SMG5: variants seen among roughly 807,000 people sequenced by gnomAD.
SMG5 encodes the protein SMG5 nonsense mediated mRNA decay factor.
Under a neutral mutation model 122.9 loss-of-function variants are expected in SMG5, and 53 were observed. That is an observed-to-expected ratio of 0.43 (90% CI 0.35 to 0.54). The LOEUF (loss-of-function observed/expected upper bound fraction) is 0.54. Among genes scored for constraint, SMG5 ranks in the 20% least tolerant of loss-of-function variants. SMG5 has a pLI of 0.01. For missense variants in SMG5, 1,153 were observed against 1,285.6 expected (o/e 0.90, Z 1.58); for synonymous variants, 477 against 490.2 (o/e 0.97, Z 0.35).
chr1:156,254,500 G>A (rs1277799936), intron 16 of SMG5, among the ~76,000 whole-genome samples: 1 of 152,120 alleles, frequency 6.6e-6, no homozygotes, highest in Non-Finnish European at 1.5e-5. Flanking sequence ...CTGGAGTGCA[G>A]TGCCACAATT....
rs796067434 is a variant in SMG5 at position 156,276,150 on chromosome 1, A to G, written c.454+935T>C. ...GGCTTTTTTTTTTTTTTTTTGAGACAGAGTCTCACTCTGTTACCCAGGCTG... is the reference window on the plus strand; with the variant it reads ...GGCTTTTTTTTTTTTTTTTTGAGACGGAGTCTCACTCTGTTACCCAGGCTG... On this transcript the variant is annotated intron_variant, in intron 4 of 21. Coordinates refer to ENST00000361813, the MANE Select transcript of SMG5 (RefSeq NM_015327.3). 3.0e-4 allele frequency among the ~76,000 whole-genome samples: 40 copies of G among 133,336 alleles called. 1 individual carries two copies. The highest frequency in any genetic ancestry group is 1.0e-3 in the African/African-American group (36 of 35,062). 87.5% of individuals were successfully genotyped at this position (133,336 alleles called of 152,430 possible).
chr1:156,264,267 CAAAAAAAAAAAAAAA>C (rs1205363773), intron 12 of SMG5, among the ~76,000 whole-genome samples: 3 of 53,978 alleles, frequency 5.6e-5, no homozygotes, highest in African/African-American at 2.4e-4. Flanking sequence ...GACTCCGTCT[CAAAAAAAAAAAAAAA>C]AAAAAAAAAA....
chr1:156,256,393 C>T (rs1300546165), intron 16 of SMG5, among the ~76,000 whole-genome samples: 1 of 150,416 alleles, frequency 6.6e-6, no homozygotes, highest in African/African-American at 2.5e-5. Flanking sequence ...TGGCTCACTG[C>T]AGCCTCAACC....
At chr1:156,265,072 C>CACACACACAA (rs1553293436) in intron 12 of SMG5, among the ~76,000 whole-genome samples, 1 of 147,734 alleles carries the variant, frequency 6.8e-6, no homozygotes, top group Admixed American at 6.7e-5. Flanking sequence ...CACACACACA[C>CACACACACAA]AAAAGCCGGG....
In SMG5 at chr1:156,273,463, G is replaced by A; in HGVS notation, c.545-13C>T. ...TTCTGATATCGGGCTGCACAAGAGA[G>A]AAAACGAAGGGAAACTCGATGATTT... On this transcript the variant is annotated splice_polypyrimidine_tract_variant and intron_variant, in intron 5 of 21. Transcript: ENST00000361813. 1 of 1,612,270 alleles carries A rather than the reference G, an allele frequency of 6.2e-7. No individual in the cohort carries two copies. The highest frequency in any genetic ancestry group is 8.5e-7 in the Non-Finnish European group (1 of 1,178,806).
At chr1:156,278,792 A>G (rs1558246776) in intron 2 of SMG5, 144 bp downstream of exon 2, 5 of 678,410 alleles carry the variant, frequency 7.4e-6, no homozygotes, top group Non-Finnish European at 1.3e-5. Flanking sequence ...CTCCTCTCTT[A>G]GGAAGGCCAG....
At chr1:156,282,382 A>C (rs1476010790) in intron 1 of SMG5, among the ~76,000 whole-genome samples, 4 of 152,060 alleles carry the variant, frequency 2.6e-5, no homozygotes, top group Admixed American at 2.6e-4. Flanking sequence ...CTCACTGCAG[A>C]GGGGATTCCT....
chr1:156,263,623 T>C, intron 12 of SMG5, 53 bp from the exon 13 acceptor site: 64 of 1,582,214 alleles, frequency 4.0e-5, no homozygotes, highest in Non-Finnish European at 5.4e-5. Flanking sequence ...AACTGACACT[T>C]GGGAACAGGC....
intron 10 of SMG5, 75 bp downstream of exon 10, chr1:156,267,395 T>C (rs1662198678): frequency 6.9e-7 from 1 of 1,446,896 alleles, no homozygotes; most frequent in Non-Finnish European, 9.6e-7. Context: ...AGTTTATGAA[T>C]AAGGAGCTGC....
chr1:156,277,824 G>C, intron 3 of SMG5, 101 bp downstream of exon 3: 1 of 1,513,296 alleles, frequency 6.6e-7, no homozygotes, highest in Non-Finnish European at 9.0e-7. Context: ...TTACTGCCAT[G>C]TTTTCTTGGC....
chr1:156,251,279 A>C, intron 20 of SMG5, 124 bp downstream of exon 20: 7 of 1,142,274 alleles, frequency 6.1e-6, no homozygotes, highest in South Asian at 1.3e-5. Flanking sequence ...GGCCTGCAGG[A>C]GGGCCCTGGC....
Position 156,249,464 on chromosome 1 carries a change from G to T in SMG5, c.*1123C>A, listed in dbSNP as rs767444554. On this transcript the variant is annotated 3_prime_UTR_variant, in exon 22 of 22. Transcript: ENST00000361813. ...TGTGCTATCCTCCCAGCCTGAGGGGGAGGAGCTGAGGCAATCCTGGCTGCA... is the reference window on the plus strand; with the variant it reads ...TGTGCTATCCTCCCAGCCTGAGGGGTAGGAGCTGAGGCAATCCTGGCTGCA... The T allele has an allele frequency of 1.2e-5, 4 of 343,172 alleles. No individual in the cohort carries two copies. The highest frequency in any genetic ancestry group is 2.3e-5 in the Non-Finnish European group (4 of 173,696). 21.3% of individuals were successfully genotyped at this position (343,172 alleles called of 1,614,324 possible). A position where few individuals can be genotyped will look rare whatever the true frequency, so the allele number is the denominator to read the frequency against.
At chr1:156,253,602 T>A in intron 16 of SMG5, 94 bp from the exon 17 acceptor site, 1 of 1,138,904 alleles carries the variant, frequency 8.8e-7, no homozygotes, top group Non-Finnish European at 1.3e-6. Flanking sequence ...GGTCTCAGTG[T>A]GACCTCATGC....
Position 156,250,858 on chromosome 1 carries a change from C to T in SMG5, c.2967G>A (p.Gln989=). Residue 989 remains glutamine, a splice_region_variant and synonymous_variant, in exon 21 of 22, where the codon CAG becomes CAA. Coordinates refer to ENST00000361813, the MANE Select transcript of SMG5 (RefSeq NM_015327.3). ...DNPSVLSGPM[Q]AALQAAAHAS... ...TCCCCCCACCTCACCCATGACCCAC[C>T]TGCATGGGGCCTGAAAGCACGCTGG... 6.2e-7 allele frequency: 1 copy of T among 1,613,828 alleles called. No homozygotes were observed. The highest frequency in any genetic ancestry group is 8.5e-7 in the Non-Finnish European group (1 of 1,179,836).
chr1:156,270,450 T>G (rs990755674), intron 7 of SMG5, among the ~76,000 whole-genome samples: 8 of 152,224 alleles, frequency 5.3e-5, no homozygotes, highest in Non-Finnish European at 1.2e-4. Context: ...GACCTTCCGA[T>G]CAGCTGAATA....
intron 1 of SMG5, among the ~76,000 whole-genome samples, chr1:156,280,382 G>GA (rs1662883820): frequency 1.3e-5 from 2 of 152,216 alleles, no homozygotes; most frequent in South Asian, 4.1e-4. Context: ...GGTGGCTCAG[G>GA]AGGCACACTA....
chr1:156,280,684 A>C (rs1403697769), intron 1 of SMG5, among the ~76,000 whole-genome samples: 2 of 152,202 alleles, frequency 1.3e-5, no homozygotes, highest in East Asian at 3.8e-4. Flanking sequence ...TCCTTAATCC[A>C]AAAGAAGGTA....
intron 13 of SMG5, 43 bp downstream of exon 13, chr1:156,263,352 A>G (rs2273832): frequency 0.27 from 420,327 of 1,572,280 alleles, 58,593 homozygotes; most frequent in Non-Finnish European, 0.28. Context: ...CCCTCCTCCA[A>G]GACCCTGGGA....
intron 6 of SMG5, among the ~76,000 whole-genome samples, chr1:156,272,603 C>T (rs1015962270): frequency 1.3e-5 from 2 of 151,518 alleles, no homozygotes; most frequent in Admixed American, 6.6e-5. Flanking sequence ...GATGGAGTCT[C>T]GCTCTGTCGC....
Sources: allele counts gnomAD v4.1 joint callset (sites outside exome capture counted in the v4.1 genomes callset), GRCh38; gene constraint gnomAD v4.1.1; transcripts MANE v1.5; gene names NCBI Gene and HGNC (gene_info 2026-07-23, HGNC 2026-07-21).